Variants in LUZP1 observed in about 807,000 individuals in gnomAD.
LUZP1 encodes the protein filamin mechanobinding actin cross-linking protein.
Under a neutral mutation model 71.3 loss-of-function variants are expected in LUZP1, and 25 were observed. The observed-to-expected ratio is 0.35, with a 90% CI of 0.26 to 0.49. The LOEUF (loss-of-function observed/expected upper bound fraction) is 0.49. LUZP1 is among the 20% of genes least tolerant of loss of function. LUZP1 has a pLI of 0.99. For missense variants in LUZP1, 1,142 were observed against 1,300.8 expected, an observed-to-expected ratio of 0.88 and a Z score of 1.88; for synonymous variants, 481 against 506.4, an observed-to-expected ratio of 0.95 and a Z score of 0.67.
intron 2 of LUZP1, among the ~76,000 whole-genome samples, chr1:23,164,860 T>C (rs922330948): frequency 2.0e-5 from 3 of 152,234 alleles, no homozygotes; most frequent in Non-Finnish European, 4.4e-5. Context: ...AACCATAATT[T>C]GTTAAGCGCT....
chr1:23,143,852 G>A (rs111964142), intron 2 of LUZP1, among the ~76,000 whole-genome samples: 29 of 152,288 alleles, frequency 1.9e-4, no homozygotes, highest in African/African-American at 7.0e-4. Flanking sequence ...GAGGTTCAGG[G>A]AGGTTATGCA....
exon 4 of LUZP1, chr1:23,091,475 G>A (rs1643852753): frequency 5.0e-6 from 8 of 1,614,184 alleles, no homozygotes; most frequent in Middle Eastern, 3.3e-4. Context: ...AAGATTTCAA[G>A]TCTCGCCTAC....
chr1:23,102,604 C>T (rs1276255654), intron 3 of LUZP1, among the ~76,000 whole-genome samples: 1 of 152,074 alleles, frequency 6.6e-6, no homozygotes, highest in Non-Finnish European at 1.5e-5. Flanking sequence ...ATGAAGCAAC[C>T]ACATATATAC....
chr1:23,157,057 G>A (rs1342725344), intron 2 of LUZP1, among the ~76,000 whole-genome samples: 1 of 152,218 alleles, frequency 6.6e-6, no homozygotes, highest in Admixed American at 6.5e-5. Flanking sequence ...TCCAAGGCAG[G>A]GAGCAGTGGC....
intron 2 of LUZP1, among the ~76,000 whole-genome samples, chr1:23,120,480 G>A (rs1483216163): frequency 6.6e-6 from 1 of 151,910 alleles, no homozygotes; most frequent in African/African-American, 2.4e-5. Context: ...TCCCACCTCA[G>A]CCTCCCAAGT....
At chr1:23,115,949 G>A (rs781324227) in intron 2 of LUZP1, among the ~76,000 whole-genome samples, 7 of 152,220 alleles carry the variant, frequency 4.6e-5, no homozygotes, top group South Asian at 4.1e-4. Flanking sequence ...ATTCACCTAC[G>A]GAGAGAAAGT....
intron 3 of LUZP1, among the ~76,000 whole-genome samples, chr1:23,106,181 A>C (rs1333442029): frequency 2.6e-5 from 4 of 152,240 alleles, no homozygotes; most frequent in African/African-American, 9.6e-5. Context: ...AGTGAACACA[A>C]GCTGGCTTCT....
intron 4 of LUZP1, chr1:23,090,720 G>A (rs1643838942): frequency 1.6e-6 from 1 of 630,862 alleles, no homozygotes; most frequent in Non-Finnish European, 2.8e-6. Flanking sequence ...GAGGCCAGCA[G>A]CCTGTGAAGA....
intron 2 of LUZP1, among the ~76,000 whole-genome samples, chr1:23,151,596 C>T (rs1475795090): frequency 2.0e-5 from 3 of 152,294 alleles, no homozygotes; most frequent in Non-Finnish European, 4.4e-5. Context: ...TCTTAAACCT[C>T]TATGAGCTTC....
chr1:23,173,012 G>A (rs534494620), intron 1 of LUZP1, among the ~76,000 whole-genome samples: 13 of 151,504 alleles, frequency 8.6e-5, no homozygotes, highest in African/African-American at 2.4e-4. Flanking sequence ...TAGTAGAGAC[G>A]GGGTTTCACC....
At chr1:23,138,047 T>C (rs970434779) in intron 2 of LUZP1, among the ~76,000 whole-genome samples, 1 of 152,230 alleles carries the variant, frequency 6.6e-6, no homozygotes, top group Non-Finnish European at 1.5e-5. Flanking sequence ...CTCAGCTCAC[T>C]GCAACCTCTA....
At chr1:23,137,352 A>G (rs1231722438) in intron 2 of LUZP1, among the ~76,000 whole-genome samples, 1 of 152,230 alleles carries the variant, frequency 6.6e-6, no homozygotes, top group Non-Finnish European at 1.5e-5. Context: ...AATCAAAACC[A>G]AAGTGAGGCG....
intron 3 of LUZP1, among the ~76,000 whole-genome samples, chr1:23,099,689 T>A (rs1468459842): frequency 6.6e-6 from 1 of 152,208 alleles, no homozygotes; most frequent in Admixed American, 6.5e-5. Context: ...TTTTATATGT[T>A]TTATCAAGAC....
intron 2 of LUZP1, among the ~76,000 whole-genome samples, chr1:23,154,362 A>C (rs1644405557): frequency 6.6e-6 from 1 of 151,950 alleles, no homozygotes; most frequent in Non-Finnish European, 1.5e-5. Flanking sequence ...CCAGACCCCC[A>C]TCTCTACAAA....
chr1:23,141,957 GC>G (rs1644306658), intron 2 of LUZP1, among the ~76,000 whole-genome samples: 1 of 151,418 alleles, frequency 6.6e-6, no homozygotes, highest in South Asian at 2.1e-4. Context: ...CAATTCTCCT[GC>G]CTCAGCCTCC....
In LUZP1 at chr1:23,159,116, G is replaced by A. The variant is rs183436218; in HGVS notation, c.-226+9650C>T. Among the ~76,000 whole-genome samples, 515 of 151,928 alleles carry A rather than the reference G, an allele frequency of 3.4e-3. 4 individuals are homozygous for A. Among genetic ancestry groups the A allele is most frequent in the African/African-American group, 0.012 (480 of 41,450 alleles). ...AGCACTTTGGGAGGCTGAGGAGGGC[G>A]GATCACGAGGTCAGGAGATTGAGAC... is the stretch of plus-strand genomic sequence containing the variant. On this transcript the variant is annotated intron_variant, in intron 2 of 4. Transcript: ENST00000302291.
chr1:23,121,109 T>C (rs972447205), intron 2 of LUZP1, among the ~76,000 whole-genome samples: 22 of 152,218 alleles, frequency 1.4e-4, no homozygotes, highest in African/African-American at 5.3e-4. Flanking sequence ...CTGGCTTATA[T>C]CTTTATAAAC....
At position 23,165,853 on chromosome 1, in the gene LUZP1, T is replaced by C. The variant is rs143001013; in HGVS notation, c.-226+2913A>G. On this transcript the variant is annotated intron_variant, in intron 2 of 4. Coordinates refer to ENST00000302291, the Ensembl canonical transcript of LUZP1. ...TGATTCTGTTTCTGATAATGTTACC[T>C]TAATGATGGCCGCTTTACACTGGAA... Among the ~76,000 whole-genome samples the C allele has an allele frequency of 5.5e-4, 84 of 152,194 alleles. 1 individual carries two copies. The highest frequency in any genetic ancestry group is 1.9e-3 in the African/African-American group (80 of 41,564).
chr1:23,088,562 G>A (rs946730262), exon 5 of LUZP1: 3 of 200,922 alleles, frequency 1.5e-5, no homozygotes, highest in East Asian at 1.2e-4. Flanking sequence ...CCAAGGAGCC[G>A]AGAAGAATTT....
Sources: gnomAD v4.1 joint callset for allele counts (sites outside exome capture counted in the v4.1 genomes callset) on GRCh38, gnomAD v4.1.1 for gene constraint, MANE v1.5 for transcripts, NCBI Gene and HGNC (gene_info 2026-07-23, HGNC 2026-07-21) for gene names.